Variants in WHR1 observed in about 807,000 individuals in gnomAD.
The protein encoded by WHR1 is winged helix repair factor 1, also known as MHC class III HLA-RP1.
chr6:31,973,238 G>A, the WHR1 span: 1 of 342,934 alleles, frequency 2.9e-6, no homozygotes, highest in South Asian at 2.3e-5. Context: ...GAAGAGGGAG[G>A]AGTCCAGGAC....
the WHR1 span, among the ~76,000 whole-genome samples, chr6:31,977,153 A>G: frequency 6.6e-6 from 1 of 151,730 alleles, no homozygotes; most frequent in African/African-American, 2.4e-5. Flanking sequence ...GCCTAGATTA[A>G]TAAATGCCCT....
chr6:31,979,756 G>A, the WHR1 span: 2 of 603,718 alleles, frequency 3.3e-6, no homozygotes, highest in Non-Finnish European at 5.5e-6. Flanking sequence ...CTTAGAAAGA[G>A]CCCTGAAATA....
the WHR1 span, chr6:31,971,733 A>G: frequency 6.6e-7 from 1 of 1,523,056 alleles, no homozygotes; most frequent in Non-Finnish European, 8.8e-7. This position sits in a 1 kb window ranked among gnomAD's most constrained non-coding sequence, Gnocchi z 4.5. Flanking sequence ...GGCCTGGAGA[A>G]GGATGACTGG....
At chr6:31,979,064 G>C in the WHR1 span, 114 of 1,517,842 alleles carry the variant, frequency 7.5e-5, 1 homozygote, top group Non-Finnish European at 1.0e-4. Flanking sequence ...AGGGAACTTG[G>C]GAAACAGAAA....
chr6:31,973,635 A>G, the WHR1 span, among the ~76,000 whole-genome samples: 6 of 152,324 alleles, frequency 3.9e-5, no homozygotes, highest in Non-Finnish European at 8.8e-5. Context: ...GAAATATTTT[A>G]CTAATCCTGC....
At chr6:31,976,746 T>G in the WHR1 span, among the ~76,000 whole-genome samples, 1 of 152,260 alleles carries the variant, frequency 6.6e-6, no homozygotes, top group Non-Finnish European at 1.5e-5. Context: ...CACTCCAGCC[T>G]GGGCACCATT....
the WHR1 span, chr6:31,971,710 A>G: frequency 1.8e-5 from 29 of 1,571,520 alleles, no homozygotes; most frequent in African/African-American, 3.6e-4. The surrounding 1 kb of genome is among the most constrained non-coding windows in gnomAD (Gnocchi z 4.5). Flanking sequence ...CAGAGTTTCC[A>G]TTCTACAGAG....
At chr6:31,977,794 T>C in the WHR1 span, among the ~76,000 whole-genome samples, 3 of 150,290 alleles carry the variant, frequency 2.0e-5, no homozygotes, top group Non-Finnish European at 3.0e-5. Flanking sequence ...GCCCCAGTTA[T>C]TTTTATTTTT....
At chr6:31,971,697 G>T in the WHR1 span, 1 of 1,585,912 alleles carries the variant, frequency 6.3e-7, no homozygotes, top group Non-Finnish European at 8.5e-7. This position sits in a 1 kb window ranked among gnomAD's most constrained non-coding sequence, Gnocchi z 4.5. Flanking sequence ...ACAAGCAGGG[G>T]TACAGAGTTT....
chr6:31,975,820 C>T, the WHR1 span, among the ~76,000 whole-genome samples: 2 of 152,048 alleles, frequency 1.3e-5, no homozygotes, highest in African/African-American at 2.4e-5. Context: ...GGGTGGTGGC[C>T]GGGCAGAGGG....
chr6:31,978,654 G>A, the WHR1 span, among the ~76,000 whole-genome samples: 1 of 152,148 alleles, frequency 6.6e-6, no homozygotes, highest in African/African-American at 2.4e-5. Context: ...TTATCTTAGT[G>A]CCTGGTCTTA....
the WHR1 span, chr6:31,979,394 T>C: frequency 6.2e-7 from 1 of 1,612,680 alleles, no homozygotes; most frequent in Non-Finnish European, 8.5e-7. Flanking sequence ...ATGGACCATG[T>C]CTCTCATCTC....
At chr6:31,971,746 T>A in the WHR1 span, 1 of 1,479,812 alleles carries the variant, frequency 6.8e-7, no homozygotes, top group Non-Finnish European at 9.0e-7. The surrounding 1 kb of genome is among the most constrained non-coding windows in gnomAD (Gnocchi z 4.5). Flanking sequence ...ATGACTGGTT[T>A]AGGACTAAGC....
At chr6:31,981,167 C>T in the WHR1 span, 7 of 286,750 alleles carry the variant, frequency 2.4e-5, no homozygotes, top group Non-Finnish European at 3.0e-5. Flanking sequence ...GGATGAGTGT[C>T]GGGCTCTCGT....
chr6:31,977,133 G>A, the WHR1 span, among the ~76,000 whole-genome samples: 30 of 152,018 alleles, frequency 2.0e-4, 4 homozygotes, highest in African/African-American at 6.3e-4. Context: ...AAAATGTTCT[G>A]GGCAGATTTG....
the WHR1 span, chr6:31,971,983 C>A: frequency 6.3e-7 from 1 of 1,591,088 alleles, no homozygotes; most frequent in South Asian, 1.1e-5. This position sits in a 1 kb window ranked among gnomAD's most constrained non-coding sequence, Gnocchi z 4.5. Context: ...GGCAGGCACG[C>A]CAGAGGCCGA....
At chr6:31,980,681 G>A in the WHR1 span, 12 of 1,604,602 alleles carry the variant, frequency 7.5e-6, no homozygotes, top group African/African-American at 2.7e-5. Context: ...AGCATGGTCC[G>A]GAAGGCAAAG....
chr6:31,975,484 A>G, the WHR1 span, among the ~76,000 whole-genome samples: 3 of 151,494 alleles, frequency 2.0e-5, no homozygotes, highest in East Asian at 3.9e-4. Context: ...TACAGGCATG[A>G]TCCACCGCAC....
At chr6:31,973,040 G>C in the WHR1 span, 1 of 677,318 alleles carries the variant, frequency 1.5e-6, no homozygotes, top group South Asian at 1.5e-5. Context: ...ATCATGACAG[G>C]CCTTGTACAT....
Sources: allele counts gnomAD v4.1 joint callset (sites outside exome capture counted in the v4.1 genomes callset), GRCh38; gene constraint gnomAD v4.1.1; non-coding constraint Gnocchi (gnomAD v3.1); transcripts MANE v1.5; gene names NCBI Gene and HGNC (gene_info 2026-07-23, HGNC 2026-07-21).